Variants in MOB3B observed in about 807,000 individuals in gnomAD.
The protein encoded by MOB3B is MOB kinase activator 3B.
A neutral mutation model predicts 18.7 loss-of-function variants in MOB3B; 7 were observed. The observed-to-expected ratio is 0.37, with a 90% confidence interval of 0.21 to 0.70. MOB3B has a LOEUF of 0.70. Ranked by LOEUF, MOB3B falls within the 30% of genes least tolerant of loss-of-function variation. The pLI, the probability that MOB3B is intolerant of heterozygous loss-of-function variation, is 0.52. For missense variants in MOB3B, 253 were observed against 281.3 expected, an observed-to-expected ratio of 0.90 and a Z score of 0.72; for synonymous variants, 111 against 99.9, an observed-to-expected ratio of 1.11 and a Z score of -0.66.
chr9:27,498,474 G>C (rs1944533075), intron 1 of MOB3B, among the ~76,000 whole-genome samples: 1 of 152,178 alleles, frequency 6.6e-6, no homozygotes, highest in South Asian at 2.1e-4. Context: ...CTTTGCAAAT[G>C]CACCTTTGGA....
chr9:27,411,982 G>A (rs1465167247), intron 2 of MOB3B, among the ~76,000 whole-genome samples: 1 of 152,042 alleles, frequency 6.6e-6, no homozygotes, highest in Non-Finnish European at 1.5e-5. Flanking sequence ...ACCTAAAACT[G>A]CTCAAAAAGA....
intron 1 of MOB3B, chr9:27,524,387 T>C: frequency 6.2e-7 from 1 of 1,613,946 alleles, no homozygotes; most frequent in South Asian, 1.1e-5. Flanking sequence ...TTGAGATCCT[T>C]ATGGGTATAT....
In MOB3B at chr9:27,455,479, G is replaced by T. The variant is rs200444944; in HGVS notation, c.72C>A (p.Gly24=). Residue 24 remains glycine (G), a synonymous_variant, in exon 2 of 4, where the codon GGC becomes GGA. Coordinates refer to ENST00000262244, the MANE Select transcript of MOB3B (RefSeq NM_024761.5). Reference sequence around the variant, plus strand: ...GTTTGTGCAGCTCAAACCTCTGTGTGCCAGGTTCAAATTTCCTCTTGGGTC... The same window carrying T: ...GTTTGTGCAGCTCAAACCTCTGTGTTCCAGGTTCAAATTTCCTCTTGGGTC... ...TFRPKRKFEP[G]TQRFELHKRA... is the part of the protein sequence containing the mutation. 8 of 1,614,216 alleles carry T rather than the reference G, an allele frequency of 5.0e-6. No homozygotes were observed. In the South Asian group the frequency reaches 8.8e-5, roughly 18 times the overall value.
intron 2 of MOB3B, among the ~76,000 whole-genome samples, chr9:27,428,604 AGAAG>A (rs1328416551): frequency 6.6e-6 from 1 of 152,242 alleles, no homozygotes; most frequent in African/African-American, 2.4e-5. Context: ...AAGCCTAAAC[AGAAG>A]GAAGTTATTT....
chr9:27,443,780 T>A (rs1403537217), intron 2 of MOB3B, among the ~76,000 whole-genome samples: 2 of 152,180 alleles, frequency 1.3e-5, no homozygotes, highest in African/African-American at 4.8e-5. Flanking sequence ...GGTTTGGTTT[T>A]AGCATACTTC....
chr9:27,409,502 C>T (rs567398009), intron 2 of MOB3B, among the ~76,000 whole-genome samples: 6 of 152,206 alleles, frequency 3.9e-5, no homozygotes, highest in Non-Finnish European at 8.8e-5. Flanking sequence ...AATGGTGCAG[C>T]CACTGTGGAA....
At chr9:27,360,528 A>C (rs1821260032) in intron 2 of MOB3B, among the ~76,000 whole-genome samples, 1 of 152,160 alleles carries the variant, frequency 6.6e-6, no homozygotes, top group Non-Finnish European at 1.5e-5. Flanking sequence ...AACAAAACCA[A>C]CAACAACAAA....
chr9:27,394,112 T>C (rs975901874), intron 2 of MOB3B: 1 of 152,084 alleles, frequency 6.6e-6, no homozygotes, highest in Non-Finnish European at 1.5e-5. Context: ...GGGCTCTCAG[T>C]GTTTGTGGTT....
At chr9:27,504,055 A>G (rs1820025150) in intron 1 of MOB3B, among the ~76,000 whole-genome samples, 1 of 152,224 alleles carries the variant, frequency 6.6e-6, no homozygotes, top group African/African-American at 2.4e-5. Context: ...AGGGTCTCAG[A>G]GTGAGATTCC....
intron 2 of MOB3B, among the ~76,000 whole-genome samples, chr9:27,450,090 T>G (rs1021346622): frequency 6.6e-6 from 1 of 152,184 alleles, no homozygotes; most frequent in Non-Finnish European, 1.5e-5. Context: ...TGTTTTTATA[T>G]TTTCAGATCC....
At chr9:27,368,331 C>CAT (rs1363819521) in intron 2 of MOB3B, among the ~76,000 whole-genome samples, 1 of 147,744 alleles carries the variant, frequency 6.8e-6, no homozygotes, top group Non-Finnish European at 1.5e-5. Flanking sequence ...CATACATATA[C>CAT]ATATATATAC....
At chr9:27,335,204 T>C (rs73431171) in intron 3 of MOB3B, among the ~76,000 whole-genome samples, 3,233 of 152,236 alleles carry the variant, frequency 0.021, 110 homozygotes, top group African/African-American at 0.073. Context: ...AAGTTAACTC[T>C]AGGAATTATG....
At chr9:27,502,159 A>C (rs1053152888) in intron 1 of MOB3B, among the ~76,000 whole-genome samples, 16 of 152,164 alleles carry the variant, frequency 1.1e-4, no homozygotes, top group Non-Finnish European at 2.4e-4. Context: ...CTCTACTTAC[A>C]TACTTCACTG....
At chr9:27,524,723 G>A in intron 1 of MOB3B, 1 of 1,614,010 alleles carries the variant, frequency 6.2e-7, no homozygotes, top group East Asian at 2.2e-5. Context: ...ACCAATGCTT[G>A]GAGGAAGACA....
intron 1 of MOB3B, among the ~76,000 whole-genome samples, chr9:27,522,843 T>A (rs1820359819): frequency 6.6e-6 from 1 of 152,014 alleles, no homozygotes; most frequent in Non-Finnish European, 1.5e-5. Context: ...TCTTAATGTT[T>A]TCCAAATTTG....
At chr9:27,470,808 A>G (rs1212114475) in intron 1 of MOB3B, among the ~76,000 whole-genome samples, 2 of 151,534 alleles carry the variant, frequency 1.3e-5, no homozygotes, top group African/African-American at 4.9e-5. Flanking sequence ...CTCATTTGGA[A>G]CCCTTGCTTT....
At chr9:27,441,061 G>A (rs115728439) in intron 2 of MOB3B, among the ~76,000 whole-genome samples, 1,587 of 152,148 alleles carry the variant, frequency 0.01, 31 homozygotes, top group African/African-American at 0.036. Context: ...ATCTAACACC[G>A]CCACTGACCT....
At chr9:27,442,584 C>T (rs1017766472) in intron 2 of MOB3B, among the ~76,000 whole-genome samples, 10 of 152,180 alleles carry the variant, frequency 6.6e-5, no homozygotes, top group Admixed American at 1.3e-4. Flanking sequence ...CCTGCCCTTT[C>T]GGGTCAGGCA....
rs1008135553 is a variant in MOB3B, at chr9:27,359,112, A to G, written c.543T>C (p.His181=). Residue 181 remains histidine (H), a synonymous_variant, in exon 3 of 4, where the codon CAT becomes CAC. Transcript: ENST00000262244. ...DRVIVMGAEA[H]VNTCYKHFYY... is the part of the protein sequence containing the mutation. Reference sequence around the variant, plus strand: ...AGAAGTGTTTGTAGCAGGTGTTGACATGGGCCTCTGCACCCATCACAATGA... The same window carrying G: ...AGAAGTGTTTGTAGCAGGTGTTGACGTGGGCCTCTGCACCCATCACAATGA... 1.9e-6 allele frequency: 3 copies of G among 1,614,162 alleles called. No individual in the cohort carries two copies. The highest frequency in any genetic ancestry group is 2.7e-5 in the African/African-American group (2 of 75,034).
Sources: allele counts gnomAD v4.1 joint callset (sites outside exome capture counted in the v4.1 genomes callset), GRCh38; gene constraint gnomAD v4.1.1; transcripts MANE v1.5; gene names NCBI Gene and HGNC (gene_info 2026-07-23, HGNC 2026-07-21).